Variants in IFT43 observed in about 807,000 individuals in gnomAD.
IFT43 encodes intraflagellar transport protein 43 homolog.
In IFT43, 33 loss-of-function variants were observed where a neutral mutation model predicts 32.3. The observed-to-expected ratio is 1.02, with a 90% confidence interval of 0.77 to 1.37. IFT43 has a LOEUF of 1.37. Ranked by LOEUF, IFT43 falls within the 40% of genes most tolerant of loss-of-function variation. IFT43 has a pLI of 0.00. For synonymous variants in IFT43, 93 were observed against 98.2 expected (o/e 0.95, Z 0.31); for missense variants, 274 against 265.9 (o/e 1.03, Z -0.21).
intron 2 of IFT43, among the ~76,000 whole-genome samples, chr14:75,989,310 T>G (rs1411445241): frequency 6.6e-6 from 1 of 151,992 alleles, no homozygotes; most frequent in Non-Finnish European, 1.5e-5. Context: ...GGCAGACTGG[T>G]GACGTAAGGT....
At chr14:75,998,616 G>T (rs1381586919) in intron 2 of IFT43, among the ~76,000 whole-genome samples, 1 of 152,200 alleles carries the variant, frequency 6.6e-6, no homozygotes, top group Non-Finnish European at 1.5e-5. Flanking sequence ...TGTCATGATG[G>T]ACTGAGGGGT....
chr14:76,027,706 CAA>C (rs34486241), intron 3 of IFT43, among the ~76,000 whole-genome samples: 96 of 97,328 alleles, frequency 9.9e-4, no homozygotes, highest in Admixed American at 1.0e-3. Context: ...GAGACTGTCT[CAA>C]AAAAAAAAAA....
At chr14:75,998,829 G>T (rs959123839) in intron 2 of IFT43, among the ~76,000 whole-genome samples, 1 of 152,190 alleles carries the variant, frequency 6.6e-6, no homozygotes, top group Non-Finnish European at 1.5e-5. Flanking sequence ...GTACTCTGGG[G>T]CTCAAGCAAT....
In IFT43 at chr14:76,083,680, ATATT is replaced by A. The variant is rs1431611779; in HGVS notation, c.*107_*110del. On this transcript the variant is annotated 3_prime_UTR_variant, in exon 9 of 9. Coordinates refer to ENST00000314067, the MANE Select transcript of IFT43 (RefSeq NM_001102564.3). ...TTACCTGGAATATTTTGTAATAAAA[ATATT>A]TATATTCAGTCAACCACATTGGATA... 1 of 1,095,148 alleles carries A rather than the reference ATATT, an allele frequency of 9.1e-7. No individual in the cohort carries two copies. The highest frequency in any genetic ancestry group is 1.3e-5 in the South Asian group (1 of 75,864). 67.8% of individuals were successfully genotyped at this position (1,095,148 alleles called of 1,614,324 possible). A position where few individuals can be genotyped will look rare whatever the true frequency, so the allele number is the denominator to read the frequency against.
intron 2 of IFT43, among the ~76,000 whole-genome samples, chr14:75,995,605 G>A (rs969913150): frequency 3.9e-5 from 6 of 152,114 alleles, no homozygotes; most frequent in African/African-American, 1.2e-4. Context: ...TACGTCTCTC[G>A]CCCTCCGCCT....
chr14:76,057,805 T>C (rs1054141554), intron 3 of IFT43, among the ~76,000 whole-genome samples: 1 of 152,164 alleles, frequency 6.6e-6, no homozygotes, highest in Non-Finnish European at 1.5e-5. Flanking sequence ...AACCCTATGA[T>C]GACAGAATAG....
intron 2 of IFT43, among the ~76,000 whole-genome samples, chr14:75,999,256 TATATATATA>T (rs2035822187): frequency 1.6e-4 from 2 of 12,150 alleles, no homozygotes; most frequent in African/African-American, 6.2e-4. Context: ...TATATATATA[TATATATATA>T]TATATATGTA....
intron 5 of IFT43, chr14:76,076,673 G>C (rs1204073399): frequency 1.2e-6 from 2 of 1,614,180 alleles, no homozygotes; most frequent in East Asian, 2.2e-5. Context: ...TTTGGGGCTG[G>C]CTTCATTGGA....
intron 3 of IFT43, among the ~76,000 whole-genome samples, chr14:76,027,661 A>G (rs977028783): frequency 1.3e-5 from 2 of 148,818 alleles, no homozygotes. Context: ...GTGAGCCGAG[A>G]TTGTGCCACT....
At chr14:76,072,228 C>T (rs2037334356) in intron 5 of IFT43, among the ~76,000 whole-genome samples, 1 of 152,158 alleles carries the variant, frequency 6.6e-6, no homozygotes, top group Admixed American at 6.5e-5. Flanking sequence ...GTGCTAAATC[C>T]TCCAGAGGGG....
At chr14:76,013,720 G>A (rs2036129081) in intron 2 of IFT43, 2 of 346,176 alleles carry the variant, frequency 5.8e-6, no homozygotes, top group Non-Finnish European at 1.1e-5. Context: ...GAAGAAATCC[G>A]CAAATGTGGA....
At chr14:76,037,189 C>T (rs1200174684) in intron 3 of IFT43, among the ~76,000 whole-genome samples, 2 of 148,352 alleles carry the variant, frequency 1.3e-5, no homozygotes, top group African/African-American at 5.0e-5. Context: ...GTAGCTCTAA[C>T]TGGGAGTTCC....
At chr14:75,999,267 ATATATGTATATATATTTT>A (rs1398140517) in intron 2 of IFT43, among the ~76,000 whole-genome samples, 3 of 24,490 alleles carry the variant, frequency 1.2e-4, no homozygotes, top group African/African-American at 7.6e-4. Context: ...ATATATATAT[ATATATGTATATATATTTT>A]TTTTTTTTTT....
Position 76,076,612 on chromosome 14 carries a change from C to A in IFT43, c.296-5683C>A, listed in dbSNP as rs750346404. 9.9e-6 allele frequency: 16 copies of A among 1,614,112 alleles called. No homozygotes were observed. The highest frequency in any genetic ancestry group is 5.0e-5 in the Admixed American group (3 of 60,024). On this transcript the variant is annotated intron_variant, in intron 5 of 8. Coordinates refer to ENST00000314067, the MANE Select transcript of IFT43 (RefSeq NM_001102564.3). ...TCTGTTCTAGCGGTACCCAAACAGGCAAACAACAGCTGGATCTGAACGCAT... is the reference window on the plus strand; with the variant it reads ...TCTGTTCTAGCGGTACCCAAACAGGAAAACAACAGCTGGATCTGAACGCAT...
intron 5 of IFT43, among the ~76,000 whole-genome samples, chr14:76,067,866 C>T (rs1056713188): frequency 2.6e-5 from 4 of 152,152 alleles, no homozygotes; most frequent in Non-Finnish European, 5.9e-5. Flanking sequence ...TTCGAATTCA[C>T]GTTTTTAAAA....
At chr14:76,034,134 T>A (rs948014819) in intron 3 of IFT43, among the ~76,000 whole-genome samples, 3 of 152,184 alleles carry the variant, frequency 2.0e-5, no homozygotes, top group African/African-American at 7.2e-5. Flanking sequence ...GCTAGATACT[T>A]GTCTTAATTT....
At chr14:76,002,803 T>C (rs1194202846) in intron 2 of IFT43, among the ~76,000 whole-genome samples, 1 of 152,188 alleles carries the variant, frequency 6.6e-6, no homozygotes, top group Non-Finnish European at 1.5e-5. Flanking sequence ...AACAGGAGTA[T>C]TGTCTTGGGA....
intron 2 of IFT43, among the ~76,000 whole-genome samples, chr14:75,997,747 T>A (rs1446177125): frequency 6.6e-6 from 1 of 150,662 alleles, no homozygotes; most frequent in Non-Finnish European, 1.5e-5. Context: ...ATAAAAGTGT[T>A]TGTTTGGGGG....
At chr14:76,047,958 G>A (rs1392031553) in intron 3 of IFT43, among the ~76,000 whole-genome samples, 1 of 152,130 alleles carries the variant, frequency 6.6e-6, no homozygotes, top group Non-Finnish European at 1.5e-5. Flanking sequence ...GAGCTATGGA[G>A]TCTGGCCCCT....
Sources: gnomAD v4.1 joint callset for allele counts (sites outside exome capture counted in the v4.1 genomes callset) on GRCh38, gnomAD v4.1.1 for gene constraint, MANE v1.5 for transcripts, NCBI Gene and HGNC (gene_info 2026-07-23, HGNC 2026-07-21) for gene names.